Variants in CALN1 observed in about 807,000 individuals in gnomAD.
The protein encoded by CALN1 is calcium-binding protein 8.
In CALN1, 17 loss-of-function variants were observed where a neutral mutation model predicts 30.6. That is an observed-to-expected ratio of 0.56 (90% CI 0.38 to 0.83). CALN1 has a LOEUF of 0.83. Among genes scored for constraint, CALN1 ranks in the 40% least tolerant of loss-of-function variants. CALN1 has a pLI of 0.00. For missense variants in CALN1, 291 were observed against 354.9 expected (o/e 0.82, Z 1.45); for synonymous variants, 156 against 131.4 (o/e 1.19, Z -1.28).
rs541354393 is a variant in CALN1, at chr7:72,169,318, A to G, written c.245-63024T>C. Among the ~76,000 whole-genome samples the G allele has an allele frequency of 4.0e-5, 6 of 151,628 alleles. No individual in the cohort carries two copies. In the South Asian group the frequency reaches 1.3e-3, roughly 32 times the overall value. On this transcript the variant is annotated intron_variant, in intron 3 of 6. Transcript: ENST00000395275. ...TTATCTTTTTGCTTTGTTAGTTTTT[A>G]TGGTTTTGTTTTTGGTTTGGAGACA...
chr7:72,208,294 A>T (rs1005611656), intron 3 of CALN1, among the ~76,000 whole-genome samples: 5 of 152,378 alleles, frequency 3.3e-5, no homozygotes, highest in Non-Finnish European at 7.3e-5. Context: ...TTTTAAGTTT[A>T]CACAATCACA....
chr7:72,388,170 T>C (rs1585635921), intron 2 of CALN1, among the ~76,000 whole-genome samples: 1 of 152,190 alleles, frequency 6.6e-6, no homozygotes, highest in Non-Finnish European at 1.5e-5. Flanking sequence ...ATATGCTAAT[T>C]ACCCTGATTT....
intron 5 of CALN1, among the ~76,000 whole-genome samples, chr7:71,832,867 A>C (rs775946724): frequency 3.4e-4 from 52 of 152,068 alleles, no homozygotes; most frequent in Non-Finnish European, 6.3e-4. Context: ...TGGCCTCCCA[A>C]AGTGCTGGGA....
intron 1 of CALN1, among the ~76,000 whole-genome samples, chr7:72,436,561 G>A (rs1808165716): frequency 6.6e-6 from 1 of 152,154 alleles, no homozygotes; most frequent in African/African-American, 2.4e-5. Flanking sequence ...AGGTGAAATG[G>A]TGTTGATCTT....
intron 2 of CALN1, among the ~76,000 whole-genome samples, chr7:72,316,781 CAA>C (rs1166288918): frequency 1.3e-5 from 2 of 151,366 alleles, no homozygotes; most frequent in African/African-American, 4.9e-5. Context: ...CCTGTTTCTA[CAA>C]AAAACTTAGA....
chr7:72,255,922 G>A (rs1338127606), intron 3 of CALN1, among the ~76,000 whole-genome samples: 1 of 151,822 alleles, frequency 6.6e-6, no homozygotes, highest in Non-Finnish European at 1.5e-5. Flanking sequence ...TAGAAATGAG[G>A]TTTCACCATG....
At chr7:71,987,644 A>G (rs1480160955) in intron 5 of CALN1, among the ~76,000 whole-genome samples, 1 of 152,226 alleles carries the variant, frequency 6.6e-6, no homozygotes, top group Middle Eastern at 3.2e-3. Context: ...GAGGCAGATC[A>G]TGAAGGGTTT....
intron 4 of CALN1, among the ~76,000 whole-genome samples, chr7:72,052,299 T>G (rs2129536062): frequency 6.6e-6 from 1 of 152,252 alleles, no homozygotes; most frequent in South Asian, 2.1e-4. Flanking sequence ...TGATCTGCCG[T>G]CCCGACAAGT....
chr7:72,062,105 T>A (rs1415820360), intron 4 of CALN1, among the ~76,000 whole-genome samples: 5 of 152,180 alleles, frequency 3.3e-5, no homozygotes, highest in African/African-American at 4.8e-5. Context: ...AGTGGAAACA[T>A]CCTTCAGGAA....
the CALN1 span, among the ~76,000 whole-genome samples, chr7:72,500,589 CTTCT>C: frequency 2.6e-5 from 4 of 151,622 alleles, no homozygotes; most frequent in African/African-American, 9.7e-5. Context: ...TTGCTCTTTC[CTTCT>C]TTATCATCCC....
At chr7:72,430,024 T>C (rs1463059452) in intron 1 of CALN1, among the ~76,000 whole-genome samples, 1 of 151,066 alleles carries the variant, frequency 6.6e-6, no homozygotes, top group Non-Finnish European at 1.5e-5. Flanking sequence ...TTTCACCTTG[T>C]TGGCCAGGCT....
chr7:72,496,776 G>A, the CALN1 span, among the ~76,000 whole-genome samples: 1 of 152,220 alleles, frequency 6.6e-6, no homozygotes, highest in African/African-American at 2.4e-5. Flanking sequence ...CAACTAGAGA[G>A]GCTGAGGTGG....
intron 3 of CALN1, among the ~76,000 whole-genome samples, chr7:72,231,289 C>T (rs1449114316): frequency 6.6e-6 from 1 of 152,194 alleles, no homozygotes; most frequent in Non-Finnish European, 1.5e-5. Context: ...TCCCCCAACG[C>T]CCCTGTCCAA....
intron 1 of CALN1, among the ~76,000 whole-genome samples, chr7:72,445,713 T>C (rs1808505674): frequency 2.6e-5 from 4 of 152,156 alleles, no homozygotes; most frequent in Admixed American, 2.6e-4. Flanking sequence ...CAAAATGCAT[T>C]GCACCCCCAG....
At chr7:71,962,772 C>A (rs1797312776) in intron 5 of CALN1, among the ~76,000 whole-genome samples, 1 of 152,188 alleles carries the variant, frequency 6.6e-6, no homozygotes, top group African/African-American at 2.4e-5. Flanking sequence ...TATGTCACAG[C>A]AAATGTGGGT....
intron 2 of CALN1, among the ~76,000 whole-genome samples, chr7:72,353,668 C>T (rs1442694442): frequency 6.6e-6 from 1 of 152,048 alleles, no homozygotes; most frequent in South Asian, 2.1e-4. Context: ...AGGAAAAGGG[C>T]TTCTATTGAA....
At chr7:71,872,018 C>G (rs57324681) in intron 5 of CALN1, among the ~76,000 whole-genome samples, 37,488 of 152,052 alleles carry the variant, frequency 0.25, 4,965 homozygotes, top group African/African-American at 0.32. Context: ...CTTGAAAATG[C>G]CTAACGCAAT....
At chr7:72,174,985 G>C (rs769073790) in intron 3 of CALN1, among the ~76,000 whole-genome samples, 7 of 149,330 alleles carry the variant, frequency 4.7e-5, no homozygotes, top group Non-Finnish European at 1.0e-4. Context: ...TTGGGTGGTA[G>C]TATTATAGGT....
chr7:72,083,874 T>C, intron 4 of CALN1, among the ~76,000 whole-genome samples: 1 of 141,690 alleles, frequency 7.1e-6, no homozygotes, highest in South Asian at 2.3e-4. Flanking sequence ...TGCCAAAAAC[T>C]TGCAAAAAAA....
Sources: allele counts gnomAD v4.1 joint callset (sites outside exome capture counted in the v4.1 genomes callset), GRCh38; gene constraint gnomAD v4.1.1; transcripts MANE v1.5; gene names NCBI Gene and HGNC (gene_info 2026-07-23, HGNC 2026-07-21).